The following RPS6KA2 variants were observed in gnomAD, a reference collection of about 807,000 sequenced individuals.
RPS6KA2 encodes ribosomal protein S6 kinase alpha-2.
In RPS6KA2, 42 loss-of-function variants were observed where a neutral mutation model predicts 91.8. The observed-to-expected ratio is 0.46, with a 90% confidence interval of 0.36 to 0.59. The LOEUF is 0.59. Among genes scored for constraint, RPS6KA2 ranks in the 20% least tolerant of loss-of-function variants. RPS6KA2 has a pLI of 0.00. For synonymous variants in RPS6KA2, 414 were observed against 393.6 expected (o/e 1.05, Z -0.61); for missense variants, 798 against 978.5 (o/e 0.82, Z 2.46).
At position 166,767,296 on chromosome 6, in the gene RPS6KA2, G is replaced by T. The variant is rs1778336863; in HGVS notation, c.123+90904C>A. ...CGTCTCACACGCTTCAGCTTGCAAG[G>T]CAGAGGCACGGAACGATTTGATGAA... On this transcript the variant is annotated intron_variant, in intron 2 of 21. Coordinates refer to the RPS6KA2 transcript ENST00000503859. The surrounding 1 kb of genome is among the most constrained non-coding windows in gnomAD (Gnocchi z 4.6). Among the ~76,000 whole-genome samples the T allele has an allele frequency of 6.6e-6, 1 of 152,198 alleles. No homozygotes were observed. Among genetic ancestry groups the T allele is most frequent in the Non-Finnish European group, 1.5e-5 (1 of 68,034 alleles).
chr6:166,499,916 C>T (rs1015195083), intron 7 of RPS6KA2, among the ~76,000 whole-genome samples: 9 of 152,194 alleles, frequency 5.9e-5, no homozygotes, highest in African/African-American at 1.9e-4. Context: ...TCAGAACAGA[C>T]TAACACAGGG....
At chr6:166,479,636 T>C (rs1211970499) in intron 10 of RPS6KA2, among the ~76,000 whole-genome samples, 1 of 152,244 alleles carries the variant, frequency 6.6e-6, no homozygotes, top group African/African-American at 2.4e-5. Flanking sequence ...CATCAAATGT[T>C]TCTCCCTAAA....
chr6:166,532,686 T>C (rs1190752369), intron 2 of RPS6KA2, among the ~76,000 whole-genome samples: 2 of 152,096 alleles, frequency 1.3e-5, no homozygotes, highest in African/African-American at 4.8e-5. Context: ...CATCATCCTG[T>C]GTGATGAAAT....
At chr6:166,477,814 C>T (rs868243756) in intron 10 of RPS6KA2, among the ~76,000 whole-genome samples, 5 of 152,048 alleles carry the variant, frequency 3.3e-5, no homozygotes, top group South Asian at 2.1e-4. Context: ...AGGAGGCTGA[C>T]GTGGGAGGAC....
intron 3 of RPS6KA2, 81 bp downstream of exon 3, chr6:166,531,151 G>A (rs1297579269): frequency 3.2e-6 from 3 of 923,500 alleles, no homozygotes; most frequent in Non-Finnish European, 5.4e-6. Context: ...AACATTAAAT[G>A]GAATGAATAT....
intron 2 of RPS6KA2, among the ~76,000 whole-genome samples, chr6:166,787,029 A>G (rs915910186): frequency 6.6e-6 from 1 of 152,242 alleles, no homozygotes; most frequent in Non-Finnish European, 1.5e-5. Flanking sequence ...CAATATGTGT[A>G]TAGAAAACTC....
chr6:166,688,167 G>C (rs891104504), intron 2 of RPS6KA2, among the ~76,000 whole-genome samples: 3 of 152,144 alleles, frequency 2.0e-5, no homozygotes, highest in African/African-American at 7.2e-5. Context: ...GAGCTGGCAG[G>C]GCTTCCAGGT....
intron 2 of RPS6KA2, among the ~76,000 whole-genome samples, chr6:166,804,042 G>A (rs895862823): frequency 2.0e-5 from 3 of 152,162 alleles, no homozygotes; most frequent in African/African-American, 7.2e-5. Flanking sequence ...GGTTTCTGAA[G>A]TCTGATGATT....
chr6:166,422,949 T>A (rs1198950276), intron 17 of RPS6KA2, among the ~76,000 whole-genome samples: 59 of 152,282 alleles, frequency 3.9e-4, no homozygotes, highest in Non-Finnish European at 5.9e-5. Context: ...CTGCATCATC[T>A]CTCTAACTTG....
chr6:166,705,889 G>A (rs1419229522), intron 2 of RPS6KA2, among the ~76,000 whole-genome samples: 2 of 152,156 alleles, frequency 1.3e-5, no homozygotes, highest in Non-Finnish European at 2.9e-5. Context: ...TTGGAGGGGG[G>A]TCTGGGAGGT....
At chr6:166,854,430 A>G (rs1308341811) in intron 2 of RPS6KA2, among the ~76,000 whole-genome samples, 2 of 152,232 alleles carry the variant, frequency 1.3e-5, no homozygotes, top group African/African-American at 4.8e-5. Flanking sequence ...AGTACTCACA[A>G]GTTGGAGTGA....
chr6:166,851,445 G>A (rs1044862024), intron 2 of RPS6KA2, among the ~76,000 whole-genome samples: 12 of 152,268 alleles, frequency 7.9e-5, no homozygotes, highest in Admixed American at 2.6e-4. Context: ...CTGGAGAACC[G>A]GCGTTTTCTT....
chr6:166,436,361 AC>A (rs2128447971), intron 14 of RPS6KA2, among the ~76,000 whole-genome samples: 1 of 152,046 alleles, frequency 6.6e-6, no homozygotes, highest in African/African-American at 2.4e-5. Context: ...AACTGGGTCA[AC>A]CCAGAGGCCT....
In RPS6KA2 at chr6:166,764,938, C is replaced by G. The variant is rs1388388095; in HGVS notation, c.123+93262G>C. ...AGCACTTTGGCAGCCTTGACGTTAT[C>G]TCTACCGAGTTCTGTCCTCTCATCA... On this transcript the variant is annotated intron_variant, in intron 2 of 21. Coordinates refer to the RPS6KA2 transcript ENST00000503859. 4.6e-5 allele frequency among the ~76,000 whole-genome samples: 7 copies of G among 152,240 alleles called. No individual in the cohort carries two copies. The East Asian group carries it at 1.2e-3, about 25-fold the overall frequency.
At chr6:166,617,781 G>A (rs1786470094) in intron 1 of RPS6KA2, among the ~76,000 whole-genome samples, 1 of 152,196 alleles carries the variant, frequency 6.6e-6, no homozygotes, top group Admixed American at 6.5e-5. Context: ...ATGGAGAATG[G>A]CCACGCATGG....
At chr6:166,700,841 G>A (rs1473235077) in intron 2 of RPS6KA2, among the ~76,000 whole-genome samples, 1 of 152,202 alleles carries the variant, frequency 6.6e-6, no homozygotes, top group African/African-American at 2.4e-5. Context: ...GAAGTGCAGA[G>A]CTCTTCTCTT....
intron 1 of RPS6KA2, among the ~76,000 whole-genome samples, chr6:166,547,526 G>A (rs1783866502): frequency 6.6e-6 from 1 of 152,252 alleles, no homozygotes; most frequent in Non-Finnish European, 1.5e-5. Context: ...GAGCAAAACT[G>A]TTAGGCTGCA....
At position 166,728,411 on chromosome 6, in the gene RPS6KA2, A is replaced by G. The variant is rs116715411; in HGVS notation, c.123+129789T>C. Reference sequence around the variant, plus strand: ...TTCCAGGGTAAGAAACTGCTGTCCCAGGGAGCGTTGCAGTGGATAAAAAAG... The same window carrying G: ...TTCCAGGGTAAGAAACTGCTGTCCCGGGGAGCGTTGCAGTGGATAAAAAAG... On this transcript the variant is annotated intron_variant, in intron 2 of 21. Coordinates refer to the RPS6KA2 transcript ENST00000503859. Among the ~76,000 whole-genome samples, 425 of 152,312 alleles carry G rather than the reference A, an allele frequency of 2.8e-3. 3 individuals are homozygous for G. Among genetic ancestry groups the G allele is most frequent in the African/African-American group, 9.8e-3 (409 of 41,564 alleles).
intron 10 of RPS6KA2, among the ~76,000 whole-genome samples, chr6:166,470,628 T>G (rs371626478): frequency 6.6e-6 from 1 of 152,158 alleles, no homozygotes; most frequent in Admixed American, 6.5e-5. Context: ...GGTGGATACA[T>G]GTCCACTCAT....
Sources: allele counts gnomAD v4.1 joint callset (sites outside exome capture counted in the v4.1 genomes callset), GRCh38; gene constraint gnomAD v4.1.1; non-coding constraint Gnocchi (gnomAD v3.1); transcripts MANE v1.5; gene names NCBI Gene and HGNC (gene_info 2026-07-23, HGNC 2026-07-21).